Variants in PRR27 observed in about 807,000 individuals in gnomAD.
PRR27 encodes proline rich 27.
In PRR27, 12 loss-of-function variants were observed where a neutral mutation model predicts 16.8. The observed-to-expected ratio is 0.71, with a 90% CI of 0.46 to 1.16. The LOEUF is 1.16. PRR27 is among the 50% of genes most tolerant of loss of function. The pLI, the probability that PRR27 is intolerant of heterozygous loss-of-function variation, is 0.00. For missense variants in PRR27, 277 were observed against 273.3 expected, an observed-to-expected ratio of 1.01 and a Z score of -0.10; for synonymous variants, 100 against 98.4, an observed-to-expected ratio of 1.02 and a Z score of -0.10.
chr4:70,162,341 A>G lies in PRR27; in HGVS notation c.*34-354A>G, dbSNP rs138147632. ...AAAAGCAAATGTGATGGTATTTATT[A>G]TTGTTGGTGATACCTCTTTACAGCA... On this transcript the variant is annotated intron_variant, in intron 4 of 4. Transcript: ENST00000344526. Among the ~76,000 whole-genome samples the G allele has an allele frequency of 9.6e-3, 1,465 of 152,288 alleles. 31 individuals are homozygous for G. Among genetic ancestry groups the G allele is most frequent in the African/African-American group, 0.034 (1,402 of 41,558 alleles).
In PRR27 at chr4:70,158,657, A is replaced by T. The variant is rs1315320061; in HGVS notation, c.405A>T (p.Ala135=). Residue 135 remains alanine (A), a synonymous_variant, in exon 3 of 5, where the codon GCA becomes GCT. Coordinates refer to ENST00000344526, the MANE Select transcript of PRR27 (RefSeq NM_214711.4). The part of the protein sequence containing the change: ...AAPPIAAEPA[A]AAPLTATPVA... ...CACCTATTGCAGCTGAGCCTGCTGC[A>T]GCTGCACCTCTTACAGCCACACCTG... is the stretch of plus-strand genomic sequence containing the variant. 2 of 1,613,802 alleles carry T rather than the reference A, an allele frequency of 1.2e-6. No individual in the cohort carries two copies. The highest frequency in any genetic ancestry group is 2.2e-5 in the East Asian group (1 of 44,844).
At chr4:70,161,553 T>G (rs1728650248) in intron 3 of PRR27, 33 bp from the exon 4 acceptor site, 1 of 1,380,472 alleles carries the variant, frequency 7.2e-7, no homozygotes, top group Non-Finnish European at 1.0e-6. Flanking sequence ...ATTTGATTGT[T>G]TATGAAAAGA....
At chr4:70,156,196 A>G (rs531727704) in intron 2 of PRR27, 119 bp downstream of exon 2, 422 of 492,660 alleles carry the variant, frequency 8.6e-4, no homozygotes, top group Non-Finnish European at 1.3e-3. Flanking sequence ...TGCTCTTAAA[A>G]TAATAGTGCT....
At chr4:70,160,652 T>C (rs867190965) in intron 3 of PRR27, among the ~76,000 whole-genome samples, 1 of 152,212 alleles carries the variant, frequency 6.6e-6, no homozygotes, top group Middle Eastern at 3.4e-3. Context: ...ATTTTTGTTT[T>C]GAGCAAGAGA....
chr4:70,164,019 C>T lies in PRR27; in HGVS notation c.*1358C>T, dbSNP rs1447812219. The T allele has an allele frequency of 2.0e-5, 3 of 152,042 alleles. No individual in the cohort carries two copies. Among genetic ancestry groups the T allele is most frequent in the Non-Finnish European group, 2.9e-5 (2 of 68,008 alleles). The allele number at this position is 152,042 out of a possible 1,614,324, so 9.4% of individuals were successfully genotyped here. ...AAATCCTGCTTCAGAATACTCTTCC[C>T]TGAGCACTCTATCTAAATAAATCCC... is the stretch of plus-strand genomic sequence containing the variant. On this transcript the variant is annotated 3_prime_UTR_variant, in exon 5 of 5. Coordinates refer to ENST00000344526, the MANE Select transcript of PRR27 (RefSeq NM_214711.4).
chr4:70,157,614 G>A (rs1231989970), intron 2 of PRR27, among the ~76,000 whole-genome samples: 1 of 151,962 alleles, frequency 6.6e-6, no homozygotes, highest in Non-Finnish European at 1.5e-5. Context: ...TGCCTTCCAG[G>A]TTCAAGCAAT....
intron 2 of PRR27, among the ~76,000 whole-genome samples, chr4:70,157,109 T>C (rs1033630008): frequency 1.3e-4 from 20 of 152,256 alleles, no homozygotes; most frequent in African/African-American, 4.6e-4. Flanking sequence ...CTTATGTATA[T>C]ATGTCATACC....
In PRR27 at chr4:70,156,089, T is replaced by C. The variant is rs772392100; in HGVS notation, c.75+12T>C. 7.2e-7 allele frequency: 1 copy of C among 1,392,286 alleles called. No individual in the cohort carries two copies. Among genetic ancestry groups the C allele is most frequent in the African/African-American group, 1.5e-5 (1 of 65,832 alleles). 86.2% of individuals were successfully genotyped at this position (1,392,286 alleles called of 1,614,324 possible). A position where few individuals can be genotyped will look rare whatever the true frequency, so the allele number is the denominator to read the frequency against. ...CCTTCATTGGTGAGGTAAAACTTTT[T>C]TTTCTTTACACGCAAGTATATTTGT... On this transcript the variant is annotated intron_variant, in intron 2 of 4. Transcript: ENST00000344526.
At chr4:70,158,214 C>A in intron 2 of PRR27, 114 bp from the exon 3 acceptor site, 1 of 709,846 alleles carries the variant, frequency 1.4e-6, no homozygotes, top group Non-Finnish European at 2.4e-6. Flanking sequence ...AAAGATAAGA[C>A]ATTGGAATTC....
rs1249603135 is a variant in PRR27, at chr4:70,164,977, A to G, written c.*2316A>G. 6.6e-6 allele frequency: 1 copy of G among 152,142 alleles called. No individual in the cohort carries two copies. The highest frequency in any genetic ancestry group is 6.5e-5 in the Admixed American group (1 of 15,278). The allele number at this position is 152,142 out of a possible 1,614,324, so 9.4% of individuals were successfully genotyped here. The stretch of plus-strand genomic sequence containing the variant: ...TTGCTTTTACTACAAGATACTGTGA[A>G]ATGTTCTGCTCTGTCAGTTGTGAAA... On this transcript the variant is annotated 3_prime_UTR_variant, in exon 5 of 5. Coordinates refer to ENST00000344526, the MANE Select transcript of PRR27 (RefSeq NM_214711.4).
Position 70,158,444 on chromosome 4 carries a change from G to C in PRR27, c.192G>C (p.Gly64=). 1 of 1,614,016 alleles carries C rather than the reference G, an allele frequency of 6.2e-7. No homozygotes were observed. The highest frequency in any genetic ancestry group is 8.5e-7 in the Non-Finnish European group (1 of 1,179,990). ...RPVNTVPSYP[G]NTYTDTGLPS... ...TGAATACAGTCCCCAGTTACCCTGG[G>C]AATACTTACACTGACACAGGGTTAC... Residue 64 remains glycine, a synonymous_variant, in exon 3 of 5, where the codon GGG becomes GGC. Coordinates refer to ENST00000344526, the MANE Select transcript of PRR27 (RefSeq NM_214711.4).
Position 70,158,509 on chromosome 4 carries a change from A to G in PRR27, c.257A>G (p.Tyr86Cys), listed in dbSNP as rs1187284528. Residue 86 changes from tyrosine (Y) to cysteine (C), a missense_variant, in exon 3 of 5, where the codon TAT becomes TGT. Physicochemically the swap from Tyr to Cys is radical, Grantham distance 194 (BLOSUM62 -2). Coordinates refer to ENST00000344526, the MANE Select transcript of PRR27 (RefSeq NM_214711.4). ...PWILTSPGFP[Y>C]VYHIRGFPLA... Reference sequence around the variant, plus strand: ...ATTCTAACTTCTCCTGGATTCCCCTATGTCTATCACATCCGTGGTTTTCCC... The same window carrying G: ...ATTCTAACTTCTCCTGGATTCCCCTGTGTCTATCACATCCGTGGTTTTCCC... 6 of 1,614,056 alleles carry G rather than the reference A, an allele frequency of 3.7e-6. No individual in the cohort carries two copies. Among genetic ancestry groups the G allele is most frequent in the Non-Finnish European group, 5.1e-6 (6 of 1,179,988 alleles).
intron 4 of PRR27, among the ~76,000 whole-genome samples, chr4:70,161,950 C>T (rs771463395): frequency 4.6e-5 from 7 of 152,148 alleles, no homozygotes; most frequent in African/African-American, 7.2e-5. Flanking sequence ...TTGGACTATA[C>T]ATAGAAAGAG....
At chr4:70,155,025 GT>G (rs764283453) in intron 1 of PRR27, among the ~76,000 whole-genome samples, 3 of 151,934 alleles carry the variant, frequency 2.0e-5, no homozygotes, top group Non-Finnish European at 4.4e-5. Flanking sequence ...CCATAACATT[GT>G]TTTAAAGATT....
rs75693443 is a variant in PRR27 at position 70,154,269 on chromosome 4, G to T, written c.-107G>T. Reference sequence around the variant, plus strand: ...TTCCTAGACAGACTAAAAAAGCCATGTATTCTTTCGTTTCTCTCTAAAAGA... The same window carrying T: ...TTCCTAGACAGACTAAAAAAGCCATTTATTCTTTCGTTTCTCTCTAAAAGA... On this transcript the variant is annotated 5_prime_UTR_variant, in exon 1 of 5. It removes an upstream start codon present in the reference 5' UTR. Coordinates refer to ENST00000344526, the MANE Select transcript of PRR27 (RefSeq NM_214711.4). The T allele has an allele frequency of 9.1e-4, 842 of 924,492 alleles. 8 individuals carry two copies. The African/African-American group carries it at 0.013, about 14-fold the overall frequency. The allele number at this position is 924,492 out of a possible 1,614,324, so 57.3% of individuals were successfully genotyped here.
At position 70,163,906 on chromosome 4, in the gene PRR27, C is replaced by G. The variant is rs556193959; in HGVS notation, c.*1245C>G. The G allele has an allele frequency of 1.4e-5, 2 of 145,030 alleles. No individual in the cohort carries two copies. The highest frequency in any genetic ancestry group is 5.1e-5 in the African/African-American group (2 of 39,336). The allele number at this position is 145,030 out of a possible 1,614,324, so 9.0% of individuals were successfully genotyped here. A position where few individuals can be genotyped will look rare whatever the true frequency, so the allele number is the denominator to read the frequency against. On this transcript the variant is annotated 3_prime_UTR_variant, in exon 5 of 5. Transcript: ENST00000344526. ...CAGCTTTTTTTTTTTTTTCCTTTTT[C>G]AAATATGTTGGTTTTGATCTTATCC...
Position 70,161,625 on chromosome 4 carries a change from A to G in PRR27, c.*28A>G, listed in dbSNP as rs1728652279. On this transcript the variant is annotated 3_prime_UTR_variant, in exon 4 of 5. Coordinates refer to ENST00000344526, the MANE Select transcript of PRR27 (RefSeq NM_214711.4). ...TTCTCTAGAAGAGTACCATGGGTTC[A>G]TTTCTGTAAGTCATATGTGATAATA... 2.8e-6 allele frequency: 4 copies of G among 1,451,792 alleles called. No homozygotes were observed. Among genetic ancestry groups the G allele is most frequent in the Non-Finnish European group, 3.8e-6 (4 of 1,050,582 alleles). The allele number at this position is 1,451,792 out of a possible 1,614,324, so 89.9% of individuals were successfully genotyped here. A position where few individuals can be genotyped will look rare whatever the true frequency, so the allele number is the denominator to read the frequency against.
intron 3 of PRR27, 97 bp downstream of exon 3, chr4:70,158,997 T>G: frequency 9.0e-7 from 1 of 1,116,120 alleles, no homozygotes; most frequent in Admixed American, 2.7e-5. Flanking sequence ...TATATCAACT[T>G]AAATATTTTG....
rs1200050544 is a variant in PRR27 at position 70,166,465 on chromosome 4, A to T, written c.*3804A>T. 1 of 152,128 alleles carries T rather than the reference A, an allele frequency of 6.6e-6. No individual in the cohort carries two copies. The highest frequency in any genetic ancestry group is 2.4e-5 in the African/African-American group (1 of 41,454). 9.4% of individuals were successfully genotyped at this position (152,128 alleles called of 1,614,324 possible). On this transcript the variant is annotated 3_prime_UTR_variant, in exon 5 of 5. Transcript: ENST00000344526. The stretch of plus-strand genomic sequence containing the variant: ...TTTTCCACCAATATCACAATGGATA[A>T]TCTTTTTTAAATGACTACATATGTC...
Sources: allele counts gnomAD v4.1 joint callset (sites outside exome capture counted in the v4.1 genomes callset), GRCh38; gene constraint gnomAD v4.1.1; transcripts MANE v1.5; gene names NCBI Gene and HGNC (gene_info 2026-07-23, HGNC 2026-07-21).